The following ME3 variants were observed in gnomAD, a reference collection of about 807,000 sequenced individuals.
ME3 encodes malic enzyme 3.
A neutral mutation model predicts 68.9 loss-of-function variants in ME3; 48 were observed. The observed-to-expected ratio is 0.70, with a 90% confidence interval of 0.55 to 0.89. The LOEUF (loss-of-function observed/expected upper bound fraction) is 0.89. ME3 is among the 40% of genes least tolerant of loss of function. The pLI is 0.00. For missense variants in ME3, 675 were observed against 797.4 expected, an observed-to-expected ratio of 0.85 and a Z score of 1.85; for synonymous variants, 320 against 318.8, an observed-to-expected ratio of 1.00 and a Z score of -0.04.
intron 10 of ME3, among the ~76,000 whole-genome samples, chr11:86,448,717 C>G (rs1488598024): frequency 1.3e-5 from 2 of 152,180 alleles, no homozygotes; most frequent in African/African-American, 2.4e-5. Flanking sequence ...CTAAACTAAG[C>G]TCCAGGAAGG....
intron 5 of ME3, among the ~76,000 whole-genome samples, chr11:86,500,791 T>C (rs1332188063): frequency 6.6e-6 from 1 of 152,152 alleles, no homozygotes; most frequent in Non-Finnish European, 1.5e-5. Flanking sequence ...TCCTTTTTCC[T>C]GGAGGGTTCT....
intron 4 of ME3, among the ~76,000 whole-genome samples, chr11:86,514,320 A>G (rs1004713307): frequency 6.6e-6 from 1 of 152,150 alleles, no homozygotes; most frequent in African/African-American, 2.4e-5. Flanking sequence ...ACTGATACAC[A>G]TGAGATTCTG....
chr11:86,620,027 AGTAT>A (rs1943244656), intron 2 of ME3, among the ~76,000 whole-genome samples: 2 of 57,772 alleles, frequency 3.5e-5, no homozygotes, highest in Non-Finnish European at 6.2e-5. Flanking sequence ...CTAACATGTC[AGTAT>A]TTTTTACACA....
downstream of ME3, among the ~76,000 whole-genome samples, chr11:86,439,007 G>A (rs1025556942): frequency 6.6e-5 from 10 of 152,270 alleles, no homozygotes; most frequent in East Asian, 1.9e-3. Context: ...CAATATCCCA[G>A]TTAGAAAGGC....
intron 10 of ME3, among the ~76,000 whole-genome samples, chr11:86,449,228 T>C (rs2138619081): frequency 6.6e-6 from 1 of 152,358 alleles, no homozygotes; most frequent in East Asian, 1.9e-4. Flanking sequence ...AAGCACTGAG[T>C]GTAGCTCTAA....
intron 2 of ME3, among the ~76,000 whole-genome samples, chr11:86,656,145 T>C (rs1372865301): frequency 9.1e-6 from 1 of 110,202 alleles, no homozygotes; most frequent in Admixed American, 8.9e-5. Context: ...TTTTACACTG[T>C]TGGTGGGACT....
At chr11:86,659,601 G>A (rs1396297391) in intron 2 of ME3, among the ~76,000 whole-genome samples, 1 of 152,222 alleles carries the variant, frequency 6.6e-6, no homozygotes, top group Non-Finnish European at 1.5e-5. Flanking sequence ...GTGTATGCAA[G>A]TATTTATTAA....
intron 2 of ME3, among the ~76,000 whole-genome samples, chr11:86,642,495 A>C (rs1944731049): frequency 6.6e-6 from 1 of 152,230 alleles, no homozygotes; most frequent in Non-Finnish European, 1.5e-5. Flanking sequence ...GAACAAGAAC[A>C]AAGATGGTTA....
At chr11:86,672,492 G>A (rs1947021667) in exon 1 of ME3, 1 of 152,292 alleles carries the variant, frequency 6.6e-6, no homozygotes, top group South Asian at 2.1e-4. Context: ...TTTGTTCTCA[G>A]TGCCTGGCTT....
At chr11:86,555,586 G>A (rs1956886393) in intron 4 of ME3, among the ~76,000 whole-genome samples, 1 of 152,172 alleles carries the variant, frequency 6.6e-6, no homozygotes, top group Admixed American at 6.5e-5. Flanking sequence ...GAGGTTTGAT[G>A]TGCTATCCTT....
At chr11:86,550,971 T>TGTGCAC (rs1289805538) in intron 4 of ME3, among the ~76,000 whole-genome samples, 1 of 151,374 alleles carries the variant, frequency 6.6e-6, no homozygotes, top group Admixed American at 6.6e-5. Flanking sequence ...TCTGGGTGTG[T>TGTGCAC]GTGCACATGC....
chr11:86,534,074 TGTGTGTGTATATA>T, intron 4 of ME3, among the ~76,000 whole-genome samples: 1 of 14,146 alleles, frequency 7.1e-5, no homozygotes, highest in African/African-American at 3.0e-4. Flanking sequence ...GAGGTGTGTG[TGTGTGTGTATATA>T]TATATATATA....
chr11:86,655,514 A>T (rs1167575763), intron 2 of ME3, among the ~76,000 whole-genome samples: 1 of 152,178 alleles, frequency 6.6e-6, no homozygotes, highest in African/African-American at 2.4e-5. Context: ...TCCCTATTTA[A>T]TAAATGGTGC....
intron 2 of ME3, among the ~76,000 whole-genome samples, chr11:86,638,822 G>A (rs1393202318): frequency 6.6e-6 from 1 of 152,158 alleles, no homozygotes; most frequent in Admixed American, 6.6e-5. Flanking sequence ...AAGTGGCAGG[G>A]TCAGGATGTA....
chr11:86,642,232 G>T (rs974226586), intron 2 of ME3, among the ~76,000 whole-genome samples: 46 of 152,148 alleles, frequency 3.0e-4, no homozygotes, highest in African/African-American at 1.1e-3. Flanking sequence ...CATTTTTAAT[G>T]TAGGAAATTA....
intron 4 of ME3, among the ~76,000 whole-genome samples, chr11:86,521,274 A>C (rs1018556076): frequency 1.3e-5 from 2 of 152,088 alleles, no homozygotes; most frequent in Admixed American, 6.5e-5. Flanking sequence ...GGGCGCCTGT[A>C]GTCCCAGCTA....
At chr11:86,612,670 T>TTA (rs1192256970) in intron 2 of ME3, among the ~76,000 whole-genome samples, 1 of 152,176 alleles carries the variant, frequency 6.6e-6, no homozygotes, top group Admixed American at 6.5e-5. Context: ...TCAGTGATGT[T>TTA]TAGCTTTTTT....
At chr11:86,487,157 G>C (rs1005664608) in intron 7 of ME3, among the ~76,000 whole-genome samples, 180 bp downstream of exon 7, 1 of 152,138 alleles carries the variant, frequency 6.6e-6, no homozygotes, top group African/African-American at 2.4e-5. Flanking sequence ...TTCTCTCAGA[G>C]AATGAGCCCA....
intron 4 of ME3, among the ~76,000 whole-genome samples, chr11:86,552,080 C>T (rs896244662): frequency 1.3e-5 from 2 of 152,228 alleles, no homozygotes; most frequent in Admixed American, 1.3e-4. Flanking sequence ...TAGATGACAA[C>T]TCCTGGGGTC....
Sources: allele counts gnomAD v4.1 joint callset (sites outside exome capture counted in the v4.1 genomes callset), GRCh38; gene constraint gnomAD v4.1.1; transcripts MANE v1.5; gene names NCBI Gene and HGNC (gene_info 2026-07-23, HGNC 2026-07-21).